FAM20A: variants seen among roughly 807,000 people sequenced by gnomAD.
FAM20A encodes pseudokinase FAM20A.
A neutral mutation model predicts 52.0 loss-of-function variants in FAM20A; 42 were observed. The ratio of observed to expected loss-of-function variants is 0.81; its 90% CI spans 0.63 to 1.04. FAM20A has a LOEUF of 1.04. Ranked by LOEUF, FAM20A falls within the 50% of genes least tolerant of loss-of-function variation. The pLI is 0.00. For synonymous variants in FAM20A, 304 were observed against 298.9 expected (o/e 1.02, Z -0.18); for missense variants, 742 against 712.7 (o/e 1.04, Z -0.47).
intron 1 of FAM20A, chr17:68,558,333 C>T (rs1163021924): frequency 9.0e-6 from 4 of 443,132 alleles, no homozygotes; most frequent in Non-Finnish European, 1.8e-5. Context: ...GTCATACCAT[C>T]AGATATGGTT....
intron 4 of FAM20A, among the ~76,000 whole-genome samples, chr17:68,549,074 CTG>C (rs954051403): frequency 2.0e-5 from 3 of 152,150 alleles, no homozygotes; most frequent in African/African-American, 7.2e-5. Flanking sequence ...ATGTATTAGG[CTG>C]TGAGTTATGT....
intron 4 of FAM20A, chr17:68,551,241 A>C: frequency 1.5e-5 from 12 of 811,662 alleles, no homozygotes; most frequent in East Asian, 6.7e-5. Flanking sequence ...TATTTCACTC[A>C]TCTCTATGTT....
In FAM20A at chr17:68,542,801, T is replaced by C. The variant is rs1352534413; in HGVS notation, c.821A>G (p.Asp274Gly). Residue 274 changes from aspartate to glycine, a missense_variant, in exon 6 of 11, where the codon GAC becomes GGC. Transcript: ENST00000592554. ...IAAFHLDRILDFRRVPPTVGR... is the reference protein window; with the variant it reads ...IAAFHLDRILGFRRVPPTVGR... The stretch of plus-strand genomic sequence containing the variant: ...CACTGTTGGCGGCACCCGTCGGAAG[T>C]CCAGAATCCTGCAAGAGAGGAAGCT... 1 of 1,613,182 alleles carries C rather than the reference T, an allele frequency of 6.2e-7. No homozygotes were observed. The highest frequency in any genetic ancestry group is 8.5e-7 in the Non-Finnish European group (1 of 1,179,162).
intron 1 of FAM20A, among the ~76,000 whole-genome samples, chr17:68,556,565 G>T (rs2087054863): frequency 6.8e-6 from 1 of 146,008 alleles, no homozygotes; most frequent in Non-Finnish European, 1.5e-5. Context: ...GGATCCTAAA[G>T]AACGGGGCAG....
At chr17:68,591,770 C>A (rs767263304) in intron 1 of FAM20A, 4 of 152,214 alleles carry the variant, frequency 2.6e-5, no homozygotes, top group Middle Eastern at 3.2e-3. Flanking sequence ...AAGGTCACCC[C>A]GTTTGCGTGG....
Position 68,537,242 on chromosome 17 carries a change from T to A in FAM20A, c.*235A>T. ...CTCAGGAGATCGTCGGTGGCCTTGA[T>A]GAAGCCAGTGCTTTTTGGGAAAAAC... On this transcript the variant is annotated 3_prime_UTR_variant, in exon 11 of 11. Transcript: ENST00000592554. The surrounding 1 kb of genome is among the most constrained non-coding windows in gnomAD (Gnocchi z 4.2). 1 of 678,176 alleles carries A rather than the reference T, an allele frequency of 1.5e-6. No homozygotes were observed. The highest frequency in any genetic ancestry group is 2.7e-6 in the Non-Finnish European group (1 of 374,320). 42.0% of individuals were successfully genotyped at this position (678,176 alleles called of 1,614,324 possible).
chr17:68,581,173 G>A (rs565493870), intron 1 of FAM20A, among the ~76,000 whole-genome samples: 2 of 152,228 alleles, frequency 1.3e-5, no homozygotes, highest in South Asian at 2.1e-4. Flanking sequence ...ATTCTGCCTC[G>A]ATAATCTCTG....
chr17:68,591,261 G>T (rs2088299958), intron 1 of FAM20A, among the ~76,000 whole-genome samples: 1 of 152,146 alleles, frequency 6.6e-6, no homozygotes, highest in Non-Finnish European at 1.5e-5. Context: ...GCCACGCCCG[G>T]TTAATTTTTT....
At position 68,539,368 on chromosome 17, in the gene FAM20A, A is replaced by C; in HGVS notation, c.1330T>G (p.Ser444Ala). 6.2e-7 allele frequency: 1 copy of C among 1,614,196 alleles called. No individual in the cohort carries two copies. The highest frequency in any genetic ancestry group is 8.5e-7 in the Non-Finnish European group (1 of 1,180,034). ...GFGRHSHDEI[S>A]ILSPLSQCCM... Reference sequence around the variant, plus strand: ...CACTGGGAGAGAGGCGAGAGGATGGAGATTTCATCATGGGAGTGTCGTCCG... The same window carrying C: ...CACTGGGAGAGAGGCGAGAGGATGGCGATTTCATCATGGGAGTGTCGTCCG... The change falls in exon 10 of 11, where the codon TCC (serine) becomes GCC (alanine). Residue 444 changes from serine to alanine, a missense_variant. Transcript: ENST00000592554.
At chr17:68,567,143 C>T (rs1011224522) in intron 1 of FAM20A, among the ~76,000 whole-genome samples, 8 of 151,884 alleles carry the variant, frequency 5.3e-5, no homozygotes, top group African/African-American at 1.9e-4. Context: ...TTCCACTGCT[C>T]ATATCTGTAA....
rs2087033778 is a variant in FAM20A, at chr17:68,555,744, C to G, written c.405-1G>C. On this transcript the variant is annotated splice_acceptor_variant, in intron 1 of 10. Transcript: ENST00000592554. LOFTEE classifies it high-confidence loss of function. ...CTGCTCTCTGTACATCTTGTGTCGC[C>G]TGAAAGAGCCAGATAGTTGTTCATT... The G allele has an allele frequency of 3.1e-6, 5 of 1,614,014 alleles. No individual in the cohort carries two copies. The highest frequency in any genetic ancestry group is 4.2e-6 in the Non-Finnish European group (5 of 1,180,040).
intron 1 of FAM20A, among the ~76,000 whole-genome samples, chr17:68,574,172 C>T (rs1270511272): frequency 1.3e-5 from 2 of 151,874 alleles, no homozygotes; most frequent in East Asian, 3.9e-4. Flanking sequence ...CCAAGTGATC[C>T]TCCCACCTCA....
At chr17:68,597,271 C>T (rs1011008946) in intron 1 of FAM20A, among the ~76,000 whole-genome samples, 1 of 150,544 alleles carries the variant, frequency 6.6e-6, no homozygotes, top group Admixed American at 6.6e-5. Flanking sequence ...GGGCAAGTGG[C>T]GAAGAACACT....
At chr17:68,581,352 T>TTC (rs1491317524) in intron 1 of FAM20A, among the ~76,000 whole-genome samples, 1 of 85,226 alleles carries the variant, frequency 1.2e-5, no homozygotes, top group Non-Finnish European at 2.7e-5. Context: ...AATGCAGTTT[T>TTC]TCTTTCTTTC....
At chr17:68,554,918 C>A in intron 2 of FAM20A, 91 bp from the exon 3 acceptor site, 5 of 1,338,782 alleles carry the variant, frequency 3.7e-6, no homozygotes, top group Non-Finnish European at 5.3e-6. Context: ...GTTCAGATCA[C>A]CAGAGGGGAG....
At chr17:68,548,448 T>G (rs1177840944) in intron 4 of FAM20A, among the ~76,000 whole-genome samples, 2 of 151,952 alleles carry the variant, frequency 1.3e-5, no homozygotes, top group Non-Finnish European at 2.9e-5. Flanking sequence ...GAGAATCGCT[T>G]GAACCCAGGA....
At chr17:68,594,654 T>C (rs756443139) in intron 1 of FAM20A, among the ~76,000 whole-genome samples, 2 of 152,150 alleles carry the variant, frequency 1.3e-5, no homozygotes, top group Non-Finnish European at 2.9e-5. Context: ...CAGAATTCTT[T>C]TCCTTGTGGC....
At position 68,579,013 on chromosome 17, in the gene FAM20A, CA is replaced by C. The variant is rs377749546; in HGVS notation, c.404+21249del. On this transcript the variant is annotated intron_variant, in intron 1 of 10. Transcript: ENST00000592554. ...CTGGTGACAGAGCGAGACTCTGTTT[CA>C]AAAAAAAAAAAAAAACATGTCTAGG... 5.9e-3 allele frequency among the ~76,000 whole-genome samples: 610 copies of C among 103,344 alleles called. 1 individual carries two copies. The highest frequency in any genetic ancestry group is 0.02 in the Middle Eastern group (4 of 204). 67.8% of individuals were successfully genotyped at this position (103,344 alleles called of 152,430 possible). A position where few individuals can be genotyped will look rare whatever the true frequency, so the allele number is the denominator to read the frequency against.
At chr17:68,555,467 TA>T (rs959872875) in intron 2 of FAM20A, 91 bp downstream of exon 2, 3 of 1,412,518 alleles carry the variant, frequency 2.1e-6, no homozygotes, top group African/African-American at 2.8e-5. Flanking sequence ...GTCAAGCCTC[TA>T]ATGTTCCACT....
Sources: allele counts gnomAD v4.1 joint callset (sites outside exome capture counted in the v4.1 genomes callset), GRCh38; gene constraint gnomAD v4.1.1; non-coding constraint Gnocchi (gnomAD v3.1); transcripts MANE v1.5; gene names NCBI Gene and HGNC (gene_info 2026-07-23, HGNC 2026-07-21).